Variants in ZBTB20 observed in about 807,000 individuals in gnomAD.
ZBTB20 encodes the protein zinc finger and BTB domain-containing protein 20.
Under a neutral mutation model 56.9 loss-of-function variants are expected in ZBTB20, and 9 were observed. That is an observed-to-expected ratio of 0.16 (90% CI 0.10 to 0.28). The LOEUF is 0.28. Ranked by LOEUF, ZBTB20 falls within the 10% of genes least tolerant of loss-of-function variation. The pLI is 1.00. For missense variants in ZBTB20, 655 were observed against 1,003.0 expected, an observed-to-expected ratio of 0.65 and a Z score of 4.69; for synonymous variants, 417 against 420.7, an observed-to-expected ratio of 0.99 and a Z score of 0.11.
chr3:114,435,382 C>T (rs927561980), intron 7 of ZBTB20, among the ~76,000 whole-genome samples: 7 of 152,154 alleles, frequency 4.6e-5, no homozygotes, highest in Admixed American at 6.5e-5. Context: ...ATACCAACTA[C>T]GAATGATTGA....
intron 5 of ZBTB20, among the ~76,000 whole-genome samples, chr3:114,719,143 G>A (rs1015718749): frequency 3.1e-4 from 46 of 146,952 alleles, no homozygotes; most frequent in Non-Finnish European, 1.2e-4. Flanking sequence ...CCAGGAAAGT[G>A]AGCATTTTGG....
At chr3:114,662,732 G>A (rs1244600731) in intron 6 of ZBTB20, among the ~76,000 whole-genome samples, 2 of 149,650 alleles carry the variant, frequency 1.3e-5, no homozygotes, top group African/African-American at 4.9e-5. Context: ...CATGTCCTTC[G>A]CCCACTTTTT....
intron 7 of ZBTB20, among the ~76,000 whole-genome samples, chr3:114,488,193 G>A (rs760520619): frequency 2.0e-5 from 3 of 152,198 alleles, no homozygotes; most frequent in Non-Finnish European, 4.4e-5. Context: ...CCTGAAGGGC[G>A]GTGAGGGTAG....
chr3:114,938,066 C>G (rs1381451265), intron 3 of ZBTB20, among the ~76,000 whole-genome samples: 1 of 151,498 alleles, frequency 6.6e-6, no homozygotes, highest in Non-Finnish European at 1.5e-5. Context: ...TGCAGTGAGC[C>G]GAGAACGTGC....
intron 7 of ZBTB20, among the ~76,000 whole-genome samples, chr3:114,419,749 T>C (rs2088958945): frequency 6.6e-6 from 1 of 152,128 alleles, no homozygotes; most frequent in Non-Finnish European, 1.5e-5. Context: ...CCAAAACAAC[T>C]GACATACCAA....
intron 4 of ZBTB20, among the ~76,000 whole-genome samples, chr3:114,834,896 T>C (rs372114134): frequency 6.6e-6 from 1 of 152,196 alleles, no homozygotes; most frequent in East Asian, 1.9e-4. Context: ...ATTCATCTAA[T>C]AAACTCTCCC....
chr3:114,457,272 G>A (rs982617301), intron 7 of ZBTB20, among the ~76,000 whole-genome samples: 3 of 152,190 alleles, frequency 2.0e-5, no homozygotes, highest in African/African-American at 7.2e-5. Flanking sequence ...TCTGTAAAAG[G>A]TGATGATATT....
chr3:114,574,673 C>T (rs1409176602), intron 6 of ZBTB20, among the ~76,000 whole-genome samples: 1 of 152,204 alleles, frequency 6.6e-6, no homozygotes, highest in African/African-American at 2.4e-5. Context: ...TGAATGATGG[C>T]ATCATGTCTG....
chr3:114,727,971 A>G (rs1264250390), intron 5 of ZBTB20, among the ~76,000 whole-genome samples: 1 of 152,184 alleles, frequency 6.6e-6, no homozygotes, highest in East Asian at 1.9e-4. Context: ...GCAGCCCAAT[A>G]ATACAGGAAA....
At chr3:114,848,597 G>GTTTATATTA (rs1179026511) in intron 4 of ZBTB20, among the ~76,000 whole-genome samples, 1 of 152,156 alleles carries the variant, frequency 6.6e-6, no homozygotes, top group Non-Finnish European at 1.5e-5. Flanking sequence ...GTCTCTACAT[G>GTTTATATTA]TAGTTGTTTT....
chr3:114,491,384 T>G (rs1412239162), intron 7 of ZBTB20, among the ~76,000 whole-genome samples: 2 of 152,230 alleles, frequency 1.3e-5, no homozygotes, highest in Non-Finnish European at 2.9e-5. Context: ...GCTGTCCCAT[T>G]TGTCTCAAGA....
At chr3:114,995,524 A>T (rs1305299022) in intron 2 of ZBTB20, among the ~76,000 whole-genome samples, 1 of 151,880 alleles carries the variant, frequency 6.6e-6, no homozygotes, top group South Asian at 2.1e-4. Flanking sequence ...ACAAAAAATC[A>T]TATAAAGACC....
chr3:114,963,507 G>A (rs936310160), intron 3 of ZBTB20, among the ~76,000 whole-genome samples: 4 of 152,102 alleles, frequency 2.6e-5, no homozygotes, highest in Non-Finnish European at 5.9e-5. Context: ...TCTTTCTTTG[G>A]GAAGGTGCTG....
intron 6 of ZBTB20, among the ~76,000 whole-genome samples, chr3:114,614,306 C>T (rs1251510963): frequency 6.6e-6 from 1 of 150,874 alleles, no homozygotes; most frequent in Non-Finnish European, 1.5e-5. Flanking sequence ...TAACATATAT[C>T]AGAGATTTGG....
chr3:114,493,422 C>T (rs2042951110), intron 7 of ZBTB20, among the ~76,000 whole-genome samples: 1 of 152,176 alleles, frequency 6.6e-6, no homozygotes, highest in Admixed American at 6.5e-5. Context: ...TAAAAAACAA[C>T]AATGATCATG....
chr3:114,951,775 C>A (rs1257748047), intron 3 of ZBTB20, among the ~76,000 whole-genome samples: 1 of 152,042 alleles, frequency 6.6e-6, no homozygotes, highest in Non-Finnish European at 1.5e-5. Flanking sequence ...GAACTAGGAA[C>A]ATGTGAACTC....
chr3:114,933,600 G>A (rs988781834), intron 3 of ZBTB20, among the ~76,000 whole-genome samples: 23 of 152,170 alleles, frequency 1.5e-4, no homozygotes, highest in African/African-American at 3.6e-4. Flanking sequence ...AGTGGTGGAA[G>A]GAAACAGGAA....
At chr3:114,953,488 T>C (rs2077143687) in intron 3 of ZBTB20, among the ~76,000 whole-genome samples, 1 of 151,404 alleles carries the variant, frequency 6.6e-6, no homozygotes, top group African/African-American at 2.4e-5. Flanking sequence ...TTACTTCAAA[T>C]ATAATGAAAA....
At chr3:114,971,478 G>A (rs1484713857) in intron 3 of ZBTB20, among the ~76,000 whole-genome samples, 1 of 152,184 alleles carries the variant, frequency 6.6e-6, no homozygotes, top group Non-Finnish European at 1.5e-5. Flanking sequence ...AGATAAAAGT[G>A]CGGATTGTAA....
Sources: allele counts gnomAD v4.1 joint callset (sites outside exome capture counted in the v4.1 genomes callset), GRCh38; gene constraint gnomAD v4.1.1; transcripts MANE v1.5; gene names NCBI Gene and HGNC (gene_info 2026-07-23, HGNC 2026-07-21).